Variants in GALNTL6 observed in about 807,000 individuals in gnomAD.
GALNTL6 encodes the protein polypeptide N-acetylgalactosaminyltransferase-like 6.
GALNTL6 carries 46 observed loss-of-function variants against 73.7 expected under a neutral mutation model. The ratio of observed to expected loss-of-function variants is 0.62; its 90% CI spans 0.49 to 0.80. The LOEUF is 0.80. GALNTL6 is among the 30% of genes least tolerant of loss of function. GALNTL6 has a pLI of 0.00. For synonymous variants in GALNTL6, 259 were observed against 263.7 expected (o/e 0.98, Z 0.17); for missense variants, 604 against 755.0 (o/e 0.80, Z 2.34).
chr4:172,761,611 A>G (rs1437185450), intron 5 of GALNTL6, among the ~76,000 whole-genome samples: 3 of 151,732 alleles, frequency 2.0e-5, no homozygotes, highest in Admixed American at 1.3e-4. Flanking sequence ...AGTGATAGTG[A>G]ATGAGTTCTC....
chr4:172,384,601 C>T (rs1184340538), intron 5 of GALNTL6, among the ~76,000 whole-genome samples: 1 of 151,386 alleles, frequency 6.6e-6, no homozygotes, highest in African/African-American at 2.4e-5. Context: ...TTAATTTCTA[C>T]CCTTAATACT....
At chr4:172,415,772 C>G (rs748442691) in intron 5 of GALNTL6, among the ~76,000 whole-genome samples, 1 of 151,946 alleles carries the variant, frequency 6.6e-6, no homozygotes, top group Non-Finnish European at 1.5e-5. Context: ...GGGTTGTGAT[C>G]GATTGAGCAA....
chr4:172,055,923 A>T (rs1222297450), intron 2 of GALNTL6, among the ~76,000 whole-genome samples: 1 of 152,164 alleles, frequency 6.6e-6, no homozygotes, highest in Non-Finnish European at 1.5e-5. Context: ...TTCATCAATG[A>T]TAGTATGAAA....
chr4:173,040,378 G>A lies in GALNTL6; in HGVS notation c.*278G>A. On this transcript the variant is annotated 3_prime_UTR_variant, in exon 13 of 13. Coordinates refer to ENST00000506823, the MANE Select transcript of GALNTL6 (RefSeq NM_001034845.3). ...AGGGACTTTTCAAAACAACTGCTGA[G>A]CTAATAAATCCTAGCATTTCTCAGG... 1 of 386,326 alleles carries A rather than the reference G, an allele frequency of 2.6e-6. No homozygotes were observed. The highest frequency in any genetic ancestry group is 4.6e-6 in the Non-Finnish European group (1 of 215,086). 23.9% of individuals were successfully genotyped at this position (386,326 alleles called of 1,614,324 possible).
At chr4:171,850,218 C>T (rs1735483789) in intron 2 of GALNTL6, among the ~76,000 whole-genome samples, 1 of 152,172 alleles carries the variant, frequency 6.6e-6, no homozygotes, top group South Asian at 2.1e-4. Context: ...GTGATCTGCC[C>T]ACCCCAGCCT....
intron 5 of GALNTL6, among the ~76,000 whole-genome samples, chr4:172,748,462 A>G (rs4522845): frequency 0.15 from 22,467 of 152,180 alleles, 1,928 homozygotes; most frequent in East Asian, 0.26. Flanking sequence ...GCCCCAGTCA[A>G]GAATATATTT....
At chr4:172,938,210 T>C (rs1352334940) in intron 9 of GALNTL6, among the ~76,000 whole-genome samples, 1 of 152,142 alleles carries the variant, frequency 6.6e-6, no homozygotes, top group African/African-American at 2.4e-5. Context: ...GCCATCTCCC[T>C]GGTGACATCC....
At chr4:172,782,916 G>C (rs774263798) in intron 5 of GALNTL6, among the ~76,000 whole-genome samples, 1 of 152,096 alleles carries the variant, frequency 6.6e-6, no homozygotes, top group African/African-American at 2.4e-5. Flanking sequence ...TTTTCGAAGA[G>C]CTTGTTATGC....
chr4:172,514,546 C>T (rs1734534445), intron 5 of GALNTL6, among the ~76,000 whole-genome samples: 1 of 152,206 alleles, frequency 6.6e-6, no homozygotes, highest in Admixed American at 6.5e-5. Context: ...CTTCACCTCT[C>T]CCTACTATGG....
chr4:172,591,843 G>C (rs1486282295), intron 5 of GALNTL6, among the ~76,000 whole-genome samples: 1 of 152,096 alleles, frequency 6.6e-6, no homozygotes, highest in Non-Finnish European at 1.5e-5. Context: ...AGTTATATGG[G>C]TTCATGTAGG....
At chr4:172,868,978 C>A (rs1164220082) in intron 7 of GALNTL6, among the ~76,000 whole-genome samples, 1 of 152,180 alleles carries the variant, frequency 6.6e-6, no homozygotes, top group Non-Finnish European at 1.5e-5. Flanking sequence ...ATCAGGCTGA[C>A]ATGCTGCATG....
intron 9 of GALNTL6, among the ~76,000 whole-genome samples, chr4:172,938,688 C>G (rs563109088): frequency 2.6e-5 from 4 of 152,268 alleles, no homozygotes; most frequent in Non-Finnish European, 5.9e-5. Flanking sequence ...AACAGCAGCA[C>G]CACTTCTCTC....
At chr4:171,884,928 G>A (rs936907012) in intron 2 of GALNTL6, among the ~76,000 whole-genome samples, 2 of 151,830 alleles carry the variant, frequency 1.3e-5, no homozygotes, top group Non-Finnish European at 2.9e-5. Context: ...GTGGTGGTGG[G>A]TGTCTGTAAT....
chr4:172,520,842 A>G (rs1734753667), intron 5 of GALNTL6, among the ~76,000 whole-genome samples: 1 of 151,982 alleles, frequency 6.6e-6, no homozygotes, highest in Non-Finnish European at 1.5e-5. Flanking sequence ...TGTTGAATGA[A>G]TATATTTTGT....
chr4:172,752,878 T>C (rs1737509576), intron 5 of GALNTL6, among the ~76,000 whole-genome samples: 1 of 152,190 alleles, frequency 6.6e-6, no homozygotes. Context: ...TATAATTTTA[T>C]TTTTTTCTGT....
chr4:172,195,235 A>G (rs1735720574), intron 2 of GALNTL6, among the ~76,000 whole-genome samples: 3 of 152,168 alleles, frequency 2.0e-5, no homozygotes, highest in Admixed American at 2.0e-4. Flanking sequence ...TTCAACAAAA[A>G]GAACTATACT....
intron 2 of GALNTL6, among the ~76,000 whole-genome samples, chr4:171,985,740 T>TTTTATA (rs1553980513): frequency 6.8e-6 from 1 of 148,060 alleles, no homozygotes; most frequent in Non-Finnish European, 1.5e-5. Context: ...CTCTATAAAA[T>TTTTATA]TATATATATA....
intron 5 of GALNTL6, among the ~76,000 whole-genome samples, chr4:172,805,994 G>A (rs1033230344): frequency 1.7e-4 from 26 of 152,062 alleles, no homozygotes; most frequent in African/African-American, 6.3e-4. Flanking sequence ...ATAAGAAAAA[G>A]AGAAAAATGA....
intron 5 of GALNTL6, among the ~76,000 whole-genome samples, chr4:172,545,061 A>T (rs1735696547): frequency 6.6e-6 from 1 of 152,230 alleles, no homozygotes; most frequent in Non-Finnish European, 1.5e-5. Context: ...TATATGTGAC[A>T]TCTTAAACTT....
Sources: allele counts gnomAD v4.1 joint callset (sites outside exome capture counted in the v4.1 genomes callset), GRCh38; gene constraint gnomAD v4.1.1; transcripts MANE v1.5; gene names NCBI Gene and HGNC (gene_info 2026-07-23, HGNC 2026-07-21).